Variants in EVC2 observed in about 807,000 individuals in gnomAD.
EVC2 encodes the protein EvC ciliary complex subunit 2.
In EVC2, 148 loss-of-function variants were observed where a neutral mutation model predicts 149.3. The ratio of observed to expected loss-of-function variants is 0.99; its 90% CI spans 0.87 to 1.14. The LOEUF (loss-of-function observed/expected upper bound fraction) is 1.14. EVC2 is among the 50% of genes most tolerant of loss of function. EVC2 has a pLI of 0.00. For missense variants in EVC2, 1,854 were observed against 1,627.3 expected (o/e 1.14, Z -2.40); for synonymous variants, 776 against 649.9 (o/e 1.19, Z -2.95).
chr4:5,657,744 GA>G lies in EVC2; in HGVS notation c.1145+5362del, dbSNP rs112508625. Among the ~76,000 whole-genome samples the G allele has an allele frequency of 2.0e-4, 29 of 145,956 alleles. No homozygotes were observed. The highest frequency in any genetic ancestry group is 8.9e-4 in the South Asian group (4 of 4,506). On this transcript the variant is annotated intron_variant, in intron 9 of 21. Coordinates refer to ENST00000344408, the MANE Select transcript of EVC2 (RefSeq NM_147127.5). This position sits in a 1 kb window ranked among gnomAD's most constrained non-coding sequence, Gnocchi z 4.7. ...AATACAACAACATTAATTTGAAAAA[GA>G]AAAAAAAAAAAGGTAGTTTCCGGCA...
At chr4:5,706,389 GATAC>G (rs1722172725) in intron 1 of EVC2, among the ~76,000 whole-genome samples, 1 of 72,374 alleles carries the variant, frequency 1.4e-5, no homozygotes, top group African/African-American at 6.7e-5. Flanking sequence ...TACATAGATA[GATAC>G]ATAGATAGAT....
chr4:5,562,425 T>C (rs1722011657), downstream of EVC2: 1 of 1,013,856 alleles, frequency 9.9e-7, no homozygotes, highest in South Asian at 3.5e-5. The surrounding 1 kb of genome is among the most constrained non-coding windows in gnomAD (Gnocchi z 4.3). Context: ...AACATGGGTT[T>C]TGTAATAAAC....
chr4:5,605,593 T>TC (rs1249177559), intron 16 of EVC2, among the ~76,000 whole-genome samples: 1 of 152,198 alleles, frequency 6.6e-6, no homozygotes, highest in East Asian at 1.9e-4. Flanking sequence ...GTGCTGTGTC[T>TC]CCAATCTACT....
chr4:5,653,162 T>C (rs1039116336), intron 9 of EVC2, among the ~76,000 whole-genome samples: 1 of 152,196 alleles, frequency 6.6e-6, no homozygotes, highest in Non-Finnish European at 1.5e-5. Flanking sequence ...ACCAGTCACG[T>C]TGGATCAAGG....
At chr4:5,656,116 C>G (rs1718503553) in intron 9 of EVC2, among the ~76,000 whole-genome samples, 1 of 152,160 alleles carries the variant, frequency 6.6e-6, no homozygotes, top group Non-Finnish European at 1.5e-5. Flanking sequence ...CTAAGAATCT[C>G]CACCAAATGG....
In EVC2 at chr4:5,677,797, C is replaced by T. The variant is rs763292722; in HGVS notation, c.870+3463G>A. Among the ~76,000 whole-genome samples, 1 of 152,330 alleles carries T rather than the reference C, an allele frequency of 6.6e-6. No homozygotes were observed. Among genetic ancestry groups the T allele is most frequent in the South Asian group, 2.1e-4 (1 of 4,830 alleles). The stretch of plus-strand genomic sequence containing the variant: ...GCACAGTGGGGGACACAGGCAAATC[C>T]GACATGGCCTCACCCGCCAGGAGCT... On this transcript the variant is annotated intron_variant, in intron 7 of 21. Transcript: ENST00000344408. The surrounding 1 kb of genome is among the most constrained non-coding windows in gnomAD (Gnocchi z 4.3).
At chr4:5,612,144 G>T (rs931727811) in intron 16 of EVC2, among the ~76,000 whole-genome samples, 6 of 152,200 alleles carry the variant, frequency 3.9e-5, no homozygotes, top group African/African-American at 1.4e-4. Flanking sequence ...TTAAACTGTT[G>T]TAACTTATAA....
chr4:5,629,274 C>T (rs998180422), intron 11 of EVC2, among the ~76,000 whole-genome samples: 3 of 152,182 alleles, frequency 2.0e-5, no homozygotes, highest in Non-Finnish European at 4.4e-5. Flanking sequence ...GTTCTCTGGA[C>T]CTAACACTGG....
At chr4:5,604,086 A>C (rs1398420317) in intron 16 of EVC2, among the ~76,000 whole-genome samples, 1 of 152,110 alleles carries the variant, frequency 6.6e-6, no homozygotes, top group Non-Finnish European at 1.5e-5. Flanking sequence ...TGTGAAATGG[A>C]GATAGTAATA....
At chr4:5,663,604 A>G (rs1719050819) in intron 8 of EVC2, among the ~76,000 whole-genome samples, 1 of 152,222 alleles carries the variant, frequency 6.6e-6, no homozygotes, top group Admixed American at 6.5e-5. Flanking sequence ...TTGACATCAG[A>G]GATCTGGCTA....
At chr4:5,599,031 A>T (rs1381401709) in intron 16 of EVC2, among the ~76,000 whole-genome samples, 1 of 152,116 alleles carries the variant, frequency 6.6e-6, no homozygotes, top group Non-Finnish European at 1.5e-5. Context: ...ATACCATCTC[A>T]CACCAGTTAG....
At chr4:5,578,984 G>A (rs954104937) in intron 17 of EVC2, among the ~76,000 whole-genome samples, 1 of 152,140 alleles carries the variant, frequency 6.6e-6, no homozygotes, top group Non-Finnish European at 1.5e-5. Flanking sequence ...ATCCTTCAAA[G>A]GGACCCATGC....
chr4:5,689,170 C>A lies in EVC2; in HGVS notation c.693G>T (p.Lys231Asn). 2 of 1,614,178 alleles carry A rather than the reference C, an allele frequency of 1.2e-6. No individual in the cohort carries two copies. The highest frequency in any genetic ancestry group is 1.7e-6 in the Non-Finnish European group (2 of 1,180,036). The change falls in exon 5 of 22, where the codon AAG becomes AAT. Residue 231 changes from lysine (K) to asparagine (N), a missense_variant. By Grantham distance (94) the Lys-to-Asn change is moderately conservative. Coordinates refer to ENST00000344408, the MANE Select transcript of EVC2 (RefSeq NM_147127.5). ...RTSEGFQAFS[K>N]KFLQVGDAFA... The stretch of plus-strand genomic sequence containing the variant: ...CTTTGCTGTTACCTTGCAGAAACTT[C>A]TTGCTAAAAGCCTGGAATCCTTCCG...
Position 5,551,976 on chromosome 4 carries a change from C to G in EVC2, c.3420-8764G>C, listed in dbSNP as rs1003726877. ...TCCCCAGTCATGTGGAACTGTAAGT[C>G]CATAAAACCTTTTTCCTGTATAAAT... On this transcript the variant is annotated intron_variant and NMD_transcript_variant, in intron 21 of 22. Transcript: ENST00000475313. 2.0e-5 allele frequency among the ~76,000 whole-genome samples: 3 copies of G among 152,172 alleles called. No homozygotes were observed. The South Asian group carries it at 6.2e-4, about 32-fold the overall frequency.
intron 13 of EVC2, 150 bp from the exon 14 acceptor site, chr4:5,623,141 T>C: frequency 1.2e-6 from 1 of 854,598 alleles, no homozygotes; most frequent in Non-Finnish European, 1.8e-6. Flanking sequence ...TTTTGTTTGC[T>C]TGTTTGTTTT....
chr4:5,627,413 T>C (rs961514653), intron 12 of EVC2, among the ~76,000 whole-genome samples: 4 of 152,196 alleles, frequency 2.6e-5, no homozygotes, highest in African/African-American at 9.7e-5. Flanking sequence ...GCGAAGTAAA[T>C]TGCAGTGATA....
rs577539439 is a variant in EVC2 at position 5,543,710 on chromosome 4, A to G, written c.3420-498T>C. On this transcript the variant is annotated intron_variant and NMD_transcript_variant, in intron 21 of 22. Coordinates refer to the EVC2 transcript ENST00000475313. Reference sequence around the variant, plus strand: ...GGTGGGGGATAATAGGGAATATTATAGAAACCCCAGGTAGGTAAGAGGTCA... The same window carrying G: ...GGTGGGGGATAATAGGGAATATTATGGAAACCCCAGGTAGGTAAGAGGTCA... Among the ~76,000 whole-genome samples, 97 of 152,266 alleles carry G rather than the reference A, an allele frequency of 6.4e-4. 1 individual carries two copies. Among genetic ancestry groups the G allele is most frequent in the Non-Finnish European group, 1.2e-3 (79 of 68,014 alleles).
chr4:5,606,760 T>C (rs1196731523), intron 16 of EVC2, among the ~76,000 whole-genome samples: 1 of 152,114 alleles, frequency 6.6e-6, no homozygotes, highest in Admixed American at 6.5e-5. Context: ...GGTGTAAGAA[T>C]TGGGAGGCTA....
chr4:5,631,437 T>G (rs771520028), intron 11 of EVC2, among the ~76,000 whole-genome samples: 2 of 152,196 alleles, frequency 1.3e-5, no homozygotes, highest in Non-Finnish European at 2.9e-5. Context: ...AGCACTAACT[T>G]TCCACGAGTC....
Sources: allele counts gnomAD v4.1 joint callset (sites outside exome capture counted in the v4.1 genomes callset), GRCh38; gene constraint gnomAD v4.1.1; non-coding constraint Gnocchi (gnomAD v3.1); transcripts MANE v1.5; gene names NCBI Gene and HGNC (gene_info 2026-07-23, HGNC 2026-07-21).